Variants in ST7 observed in about 807,000 individuals in gnomAD.
ST7 encodes suppression of tumorigenicity 7, also known as suppressor of tumorigenicity 7 protein.
ST7 carries 28 observed loss-of-function variants against 78.7 expected under a neutral mutation model. That is an observed-to-expected ratio of 0.36 (90% confidence interval 0.26 to 0.49). The LOEUF (loss-of-function observed/expected upper bound fraction) is 0.49, where lower values mean the gene tolerates loss of function less well. Among genes scored for constraint, ST7 ranks in the 20% least tolerant of loss-of-function variants. The probability of loss-of-function intolerance (pLI) is 0.99; values close to 1 mark genes in which losing one functional copy is unlikely to be tolerated. For missense variants in ST7, 418 were observed against 696.0 expected (o/e 0.60, Z 4.49); for synonymous variants, 247 against 249.6 (o/e 0.99, Z 0.10).
chr7:117,189,766 A>C (rs987907811), intron 11 of ST7, among the ~76,000 whole-genome samples: 1 of 152,192 alleles, frequency 6.6e-6, no homozygotes, highest in Non-Finnish European at 1.5e-5. Context: ...TGTCATACAC[A>C]CGTGGAATGT....
chr7:117,222,640 T>C (rs1793173189), intron 15 of ST7, among the ~76,000 whole-genome samples: 1 of 152,192 alleles, frequency 6.6e-6, no homozygotes. Context: ...CCATCTGCAT[T>C]GACAGCCAAG....
chr7:117,000,609 G>C (rs534825475), intron 1 of ST7, among the ~76,000 whole-genome samples: 1 of 152,330 alleles, frequency 6.6e-6, no homozygotes, highest in South Asian at 2.1e-4. Flanking sequence ...AGTTACTTCT[G>C]TAGTCTATCA....
chr7:117,004,009 A>G (rs1199212622), intron 1 of ST7, among the ~76,000 whole-genome samples: 1 of 152,180 alleles, frequency 6.6e-6, no homozygotes, highest in Non-Finnish European at 1.5e-5. Flanking sequence ...CTACCTTTTA[A>G]ATTGAAAAGA....
At chr7:117,018,136 C>T (rs1795703725) in intron 1 of ST7, among the ~76,000 whole-genome samples, 1 of 152,130 alleles carries the variant, frequency 6.6e-6, no homozygotes, top group African/African-American at 2.4e-5. Context: ...ACATGTAGAC[C>T]ATGGCCTCTG....
chr7:117,082,793 A>T (rs374055354), intron 1 of ST7, among the ~76,000 whole-genome samples: 5 of 152,344 alleles, frequency 3.3e-5, no homozygotes, highest in East Asian at 3.9e-4. Flanking sequence ...CTGTTGTAGC[A>T]TGAAAGCAGT....
chr7:117,228,076 C>G (rs1793562438), intron 15 of ST7, among the ~76,000 whole-genome samples: 1 of 152,198 alleles, frequency 6.6e-6, no homozygotes, highest in South Asian at 2.1e-4. Context: ...TTCTCTTTGA[C>G]TGTTTATTGA....
In ST7 at chr7:117,134,168, T is replaced by C. The variant is rs146796164; in HGVS notation, c.686T>C (p.Ile229Thr). 5.1e-5 allele frequency: 82 copies of C among 1,612,140 alleles called. No homozygotes were observed. The African/African-American group carries it at 9.1e-4, about 18-fold the overall frequency. The change falls in exon 7 of 16, where the codon ATC (isoleucine) becomes ACC (threonine). Residue 229 changes from isoleucine (I) to threonine (T), a missense_variant. Ile to Thr is a moderately conservative substitution (Grantham distance 89). Coordinates refer to ENST00000323984, the MANE Select transcript of ST7 (RefSeq NM_001369598.1). ...GTTCCCCTAATTGCTTCCTCTACCA[T>C]CTGGGAGATAAAATTGTTACCAAAG... ...VEVPLIASSTIWEIKLLPKCA... is the reference protein window; with the variant it reads ...VEVPLIASSTTWEIKLLPKCA...
At chr7:117,087,617 A>G (rs1241934659) in intron 1 of ST7, among the ~76,000 whole-genome samples, 1 of 152,208 alleles carries the variant, frequency 6.6e-6, no homozygotes, top group Non-Finnish European at 1.5e-5. Flanking sequence ...TTTATCTTTA[A>G]CTTAAGTCAC....
intron 3 of ST7, 80 bp from the exon 4 acceptor site, chr7:117,129,713 G>A (rs1475056356): frequency 9.4e-7 from 1 of 1,060,702 alleles, no homozygotes; most frequent in Non-Finnish European, 1.5e-6. Flanking sequence ...CAAATGGCAG[G>A]AAGGGTGTTT....
chr7:117,086,716 C>T (rs1168209272), intron 1 of ST7, among the ~76,000 whole-genome samples: 1 of 151,916 alleles, frequency 6.6e-6, no homozygotes, highest in East Asian at 1.9e-4. Flanking sequence ...TATCAGTGCT[C>T]CAGTTTCCAC....
intron 10 of ST7, among the ~76,000 whole-genome samples, chr7:117,185,237 A>G (rs533436940): frequency 2.0e-5 from 3 of 152,220 alleles, no homozygotes; most frequent in Non-Finnish European, 2.9e-5. Flanking sequence ...TGAAAGTTAC[A>G]TCTGATAGAT....
At chr7:117,218,250 A>G (rs1792839967) in intron 13 of ST7, among the ~76,000 whole-genome samples, 1 of 152,202 alleles carries the variant, frequency 6.6e-6, no homozygotes, top group African/African-American at 2.4e-5. Flanking sequence ...TTTTATATCT[A>G]CAGCAGGCTG....
At chr7:117,074,767 C>A (rs1563060648) in intron 1 of ST7, 1 of 152,066 alleles carries the variant, frequency 6.6e-6, no homozygotes, top group Admixed American at 6.5e-5. Flanking sequence ...TATTTAGAAC[C>A]CCTGCAAAAT....
chr7:117,219,578 C>T lies in ST7; in HGVS notation c.1498+402C>T, dbSNP rs545727625. On this transcript the variant is annotated intron_variant, in intron 14 of 15. Coordinates refer to ENST00000323984, the MANE Select transcript of ST7 (RefSeq NM_001369598.1). The surrounding 1 kb of genome is among the most constrained non-coding windows in gnomAD (Gnocchi z 5.1). Reference sequence around the variant, plus strand: ...GGAGCTGCTGACTGAGAGGGAGCTGCGCATGAGTCATGGGTGGGAGGCCAG... The same window carrying T: ...GGAGCTGCTGACTGAGAGGGAGCTGTGCATGAGTCATGGGTGGGAGGCCAG... Among the ~76,000 whole-genome samples the T allele has an allele frequency of 2.6e-5, 4 of 152,176 alleles. No homozygotes were observed. The highest frequency in any genetic ancestry group is 5.9e-5 in the Non-Finnish European group (4 of 68,036).
intron 12 of ST7, among the ~76,000 whole-genome samples, chr7:117,197,857 G>A (rs541728357): frequency 2.0e-5 from 3 of 152,280 alleles, no homozygotes; most frequent in Non-Finnish European, 4.4e-5. Flanking sequence ...GCTGAGGCAG[G>A]AAGATCGCTT....
intron 1 of ST7, among the ~76,000 whole-genome samples, chr7:117,088,163 A>G (rs771427894): frequency 6.6e-6 from 1 of 152,174 alleles, no homozygotes; most frequent in Non-Finnish European, 1.5e-5. Flanking sequence ...TTCCAAGCCC[A>G]GAAGGAAGGA....
chr7:116,954,918 TTAAG>T (rs1218606254), intron 1 of ST7: 1 of 286,620 alleles, frequency 3.5e-6, no homozygotes, highest in African/African-American at 2.2e-5. Flanking sequence ...AGATACTAAC[TTAAG>T]TATTTTGATT....
chr7:117,207,966 C>T (rs1791934169), intron 12 of ST7, among the ~76,000 whole-genome samples: 1 of 151,760 alleles, frequency 6.6e-6, no homozygotes, highest in Non-Finnish European at 1.5e-5. Context: ...GCCTCGGGGT[C>T]CTTTAAGACT....
intron 12 of ST7, among the ~76,000 whole-genome samples, chr7:117,200,403 G>A (rs1386016109): frequency 5.9e-5 from 9 of 152,154 alleles, no homozygotes; most frequent in Admixed American, 5.2e-4. Context: ...CAGGGAGGGG[G>A]CTGCAGAGCC....
Sources: allele counts gnomAD v4.1 joint callset (sites outside exome capture counted in the v4.1 genomes callset), GRCh38; gene constraint gnomAD v4.1.1; non-coding constraint Gnocchi (gnomAD v3.1); transcripts MANE v1.5; gene names NCBI Gene and HGNC (gene_info 2026-07-23, HGNC 2026-07-21).